PKD1: variants seen among roughly 807,000 people sequenced by gnomAD.
PKD1 encodes polycystin 1, transient receptor potential channel interacting.
PKD1 carries 81 observed loss-of-function variants against 361.7 expected under a neutral mutation model. That is an observed-to-expected ratio of 0.22 (90% CI 0.19 to 0.27). PKD1 has a LOEUF of 0.27. Among genes scored for constraint, PKD1 ranks in the 10% least tolerant of loss-of-function variants. The pLI, the probability that PKD1 is intolerant of heterozygous loss-of-function variation, is 1.00. For missense variants in PKD1, 6,399 were observed against 6,118.3 expected (o/e 1.05, Z -1.53); for synonymous variants, 3,615 against 2,818.3 (o/e 1.28, Z -8.95).
At chr16:2,091,964 AGG>A in intron 40 of PKD1, 58 bp from the exon 41 acceptor site, 3 of 1,611,970 alleles carry the variant, frequency 1.9e-6, no homozygotes, top group Non-Finnish European at 2.5e-6. Flanking sequence ...CCCCGGAGCC[AGG>A]CTGGTCAGGA....
In PKD1 at chr16:2,093,703, G is replaced by A. The variant is rs755681413; in HGVS notation, c.10857C>T (p.Ala3619=). The A allele has an allele frequency of 3.8e-6, 6 of 1,597,048 alleles. No homozygotes were observed. Among genetic ancestry groups the A allele is most frequent in the Non-Finnish European group, 5.1e-6 (6 of 1,171,502 alleles). ...CATCTTCATCCGGGTGCAGCCGCTTGGCCACCAGTGAGAAGTACAGGGCTT... is the reference window on the plus strand; with the variant it reads ...CATCTTCATCCGGGTGCAGCCGCTTAGCCACCAGTGAGAAGTACAGGGCTT... ...LLEALYFSLV[A]KRLHPDEDDT... Residue 3619 remains alanine (A), a synonymous_variant, in exon 37 of 46, where the codon GCC becomes GCT. Coordinates refer to ENST00000262304, the MANE Select transcript of PKD1 (RefSeq NM_001009944.3).
chr16:2,131,682 G>A (rs2092882141), intron 1 of PKD1, among the ~76,000 whole-genome samples: 1 of 151,286 alleles, frequency 6.6e-6, no homozygotes, highest in South Asian at 2.1e-4. Flanking sequence ...AATTAGCCGG[G>A]CGTGGTGGCG....
intron 8 of PKD1, 88 bp from the exon 9 acceptor site, chr16:2,116,206 G>A (rs756926415): frequency 1.5e-5 from 21 of 1,386,386 alleles, no homozygotes; most frequent in Non-Finnish European, 2.0e-5. Context: ...CAGGAAGAGG[G>A]GAGGGAAGGA....
rs1387752605 is a variant in PKD1 at position 2,100,921 on chromosome 16, GCA to G, written c.9398-357_9398-356del. ...ACCACACACCCGTCCCTCAGTTCAT[GCA>G]CAGACTGCAAAGCGTGAAGCTGTGT... On this transcript the variant is annotated intron_variant, in intron 26 of 45. Coordinates refer to ENST00000262304, the MANE Select transcript of PKD1 (RefSeq NM_001009944.3). The surrounding 1 kb of genome is among the most constrained non-coding windows in gnomAD (Gnocchi z 4.4). 1.3e-5 allele frequency among the ~76,000 whole-genome samples: 2 copies of G among 152,120 alleles called. No homozygotes were observed. Among genetic ancestry groups the G allele is most frequent in the Non-Finnish European group, 1.5e-5 (1 of 68,030 alleles).
In PKD1 at chr16:2,114,418, G is replaced by A. The variant is rs189095400; in HGVS notation, c.2605C>T (p.Arg869Cys). The change falls in exon 11 of 46, where the codon CGC becomes TGC. Residue 869 changes from arginine to cysteine, a missense_variant. Coordinates refer to ENST00000262304, the MANE Select transcript of PKD1 (RefSeq NM_001009944.3). ...AGGGCAGGGCAGACATTCTCAAAGC[G>A]GGCGCTGACACTGCCCCCAGGCCAG... ...ARWPGGSVSA[R>C]FENVCPALVA... The A allele has an allele frequency of 1.7e-5, 28 of 1,603,156 alleles. No homozygotes were observed. In the East Asian group the frequency reaches 3.1e-4, roughly 18 times the overall value.
Position 2,093,738 on chromosome 16 carries a change from C to T in PKD1, c.10822G>A (p.Val3608Ile). The change falls in exon 37 of 46, where the codon GTC (valine) becomes ATC (isoleucine). Residue 3608 changes from valine (V) to isoleucine (I), a missense_variant and splice_region_variant. Coordinates refer to ENST00000262304, the MANE Select transcript of PKD1 (RefSeq NM_001009944.3). ...ASFLGWEPLK[V>I]LLEALYFSLV... ...GAGAAGTACAGGGCTTCCAGCAAGA[C>T]CTGGGGAGGGGGTGGCTTCAGAGGG... 6.3e-7 allele frequency: 1 copy of T among 1,580,560 alleles called. No homozygotes were observed. Among genetic ancestry groups the T allele is most frequent in the East Asian group, 2.3e-5 (1 of 43,138 alleles).
intron 39 of PKD1, 81 bp from the exon 40 acceptor site, chr16:2,092,269 G>A: frequency 6.8e-7 from 1 of 1,469,970 alleles, no homozygotes; most frequent in Non-Finnish European, 9.2e-7. Context: ...CAGCTCGCCT[G>A]AGCTCTGGTT....
At position 2,093,746 on chromosome 16, in the gene PKD1, G is replaced by A. The variant is rs9924796; in HGVS notation, c.10822-8C>T. 2 of 1,575,006 alleles carry A rather than the reference G, an allele frequency of 1.3e-6. No individual in the cohort carries two copies. Among genetic ancestry groups the A allele is most frequent in the Non-Finnish European group, 1.7e-6 (2 of 1,160,606 alleles). ...CAGGGCTTCCAGCAAGACCTGGGGA[G>A]GGGGTGGCTTCAGAGGGGTCCCCCG... On this transcript the variant is annotated splice_polypyrimidine_tract_variant and splice_region_variant and intron_variant, in intron 36 of 45. Coordinates refer to ENST00000262304, the MANE Select transcript of PKD1 (RefSeq NM_001009944.3).
Position 2,114,676 on chromosome 16 carries a change from C to T in PKD1, c.2347G>A (p.Gly783Ser), listed in dbSNP as rs1232321608. ...CGCAGTCCAGGGTTGGGCCTCAAGC[C>T]CAGCAGCACGGTGAGCTGTTCCGTG... ...AATEQLTVLLGLRPNPGLRLP... is the reference protein window; with the variant it reads ...AATEQLTVLLSLRPNPGLRLP... The change falls in exon 11 of 46, where the codon GGC becomes AGC. Residue 783 changes from glycine to serine, a missense_variant. Transcript: ENST00000262304. 6 of 1,543,634 alleles carry T rather than the reference C, an allele frequency of 3.9e-6. No homozygotes were observed. The highest frequency in any genetic ancestry group is 3.5e-6 in the Non-Finnish European group (4 of 1,152,736).
intron 11 of PKD1, 155 bp downstream of exon 11, chr16:2,114,015 G>T (rs1340595214): frequency 3.0e-6 from 2 of 664,310 alleles, no homozygotes; most frequent in Non-Finnish European, 5.1e-6. Flanking sequence ...CCACCAGGTA[G>T]CCCGAGGAGC....
Position 2,114,574 on chromosome 16 carries a change from C to G in PKD1, c.2449G>C (p.Val817Leu), listed in dbSNP as rs1238467460. 1 of 1,594,232 alleles carries G rather than the reference C, an allele frequency of 6.3e-7. No homozygotes were observed. Among genetic ancestry groups the G allele is most frequent in the Non-Finnish European group, 8.5e-7 (1 of 1,178,790 alleles). Reference sequence around the variant, plus strand: ...CGCAGCCCAGCCACTGGGGAGACCACGTCAAAGCTGCAGGAGAGGTTGTGC... The same window carrying G: ...CGCAGCCCAGCCACTGGGGAGACCAGGTCAAAGCTGCAGGAGAGGTTGTGC... ...SRHNLSCSFD[V>L]VSPVAGLRVI... Residue 817 changes from valine (V) to leucine (L), a missense_variant, in exon 11 of 46, where the codon GTG becomes CTG. Coordinates refer to ENST00000262304, the MANE Select transcript of PKD1 (RefSeq NM_001009944.3).
chr16:2,132,192 G>A (rs547126156), intron 1 of PKD1, among the ~76,000 whole-genome samples: 80 of 151,760 alleles, frequency 5.3e-4, no homozygotes, highest in African/African-American at 1.8e-3. Context: ...GGAGGTTGCC[G>A]TGAGGTGAGA....
In PKD1 at chr16:2,091,091, C is replaced by G; in HGVS notation, c.11796G>C (p.Arg3932=). Residue 3932 remains arginine, a synonymous_variant, in exon 43 of 46, where the codon CGG becomes CGC. Transcript: ENST00000262304. ...GCAGCCACCGCGCCCAGGCTCCGAG[C>G]CGCAGCACGCGCCAGCGCCCTTCCC... ...WHREGRWRVL[R]LGAWARWLLV... 6.7e-7 allele frequency: 1 copy of G among 1,503,350 alleles called. No individual in the cohort carries two copies. Among genetic ancestry groups the G allele is most frequent in the Non-Finnish European group, 8.8e-7 (1 of 1,131,500 alleles). 93.1% of individuals were successfully genotyped at this position (1,503,350 alleles called of 1,614,324 possible).
intron 23 of PKD1, 129 bp downstream of exon 23, chr16:2,103,137 C>T (rs1175301087): frequency 5.3e-6 from 7 of 1,321,798 alleles, no homozygotes; most frequent in Middle Eastern, 2.5e-4. Flanking sequence ...TCCTCTCTGG[C>T]CAGGCCCCCA....
At position 2,107,996 on chromosome 16, in the gene PKD1, G is replaced by A. The variant is rs768275494; in HGVS notation, c.6952C>T (p.Arg2318Cys). Reference protein sequence around the residue: ...AGGCALNFGPRGSSTVTIPRE... With the variant: ...AGGCALNFGPCGSSTVTIPRE... ...GGAATGGTGACCGTGCTGCTCCCGC[G>A]GGGCCCAAAGTTCAGCGCACACCCG... is the stretch of plus-strand genomic sequence containing the variant. The change falls in exon 16 of 46, where the codon CGC becomes TGC. Residue 2318 changes from arginine (R) to cysteine (C), a missense_variant. Arg to Cys is a radical substitution (Grantham distance 180). Transcript: ENST00000262304. 35 of 1,548,246 alleles carry A rather than the reference G, an allele frequency of 2.3e-5. No individual in the cohort carries two copies. The highest frequency in any genetic ancestry group is 4.1e-5 in the African/African-American group (3 of 73,076).
intron 1 of PKD1, chr16:2,123,528 G>A (rs529130085): frequency 1.4e-4 from 64 of 456,324 alleles, no homozygotes; most frequent in African/African-American, 9.2e-4. Flanking sequence ...CTGGGGGAAC[G>A]CCAAGGCCTA....
chr16:2,129,252 TAG>T (rs2151846835), intron 1 of PKD1, among the ~76,000 whole-genome samples: 1 of 146,916 alleles, frequency 6.8e-6, no homozygotes, highest in African/African-American at 2.5e-5. Context: ...CTCAACCTCA[TAG>T]ACTCAGGGAA....
chr16:2,132,555 CAA>C (rs1236310109), intron 1 of PKD1, among the ~76,000 whole-genome samples: 1 of 100,034 alleles, frequency 1.0e-5, no homozygotes, highest in African/African-American at 4.2e-5. Context: ...GGCCTGGAGA[CAA>C]GAGCAAGACT....
At position 2,108,233 on chromosome 16, in the gene PKD1, G is replaced by A. The variant is rs371376951; in HGVS notation, c.6915+19C>T. ...TGGACGGGTGAGGGGCATGGAGGACGGCCCTGCCACGCACTGACCTGTGTC... is the reference window on the plus strand; with the variant it reads ...TGGACGGGTGAGGGGCATGGAGGACAGCCCTGCCACGCACTGACCTGTGTC... On this transcript the variant is annotated intron_variant, in intron 15 of 45. Transcript: ENST00000262304. 1.0e-4 allele frequency: 160 copies of A among 1,585,988 alleles called. No homozygotes were observed. In the Admixed American group the frequency reaches 1.8e-3, roughly 18 times the overall value.
Sources: gnomAD v4.1 joint callset for allele counts (sites outside exome capture counted in the v4.1 genomes callset) on GRCh38, gnomAD v4.1.1 for gene constraint, Gnocchi (gnomAD v3.1) non-coding constraint, MANE v1.5 for transcripts, NCBI Gene and HGNC (gene_info 2026-07-23, HGNC 2026-07-21) for gene names.